ZBTB43: variants seen among roughly 807,000 people sequenced by gnomAD.
The protein encoded by ZBTB43 is zinc finger and BTB domain containing 43, also known as zinc finger and BTB domain-containing protein 43.
Under a neutral mutation model 31.1 loss-of-function variants are expected in ZBTB43, and 6 were observed. That is an observed-to-expected ratio of 0.19 (90% CI 0.11 to 0.38). The LOEUF (loss-of-function observed/expected upper bound fraction) is 0.38. Among genes scored for constraint, ZBTB43 ranks in the 10% least tolerant of loss-of-function variants. The pLI, the probability that ZBTB43 is intolerant of heterozygous loss-of-function variation, is 1.00. For synonymous variants in ZBTB43, 212 were observed against 221.7 expected (o/e 0.96, Z 0.39); for missense variants, 379 against 602.1 (o/e 0.63, Z 3.88).
At chr9:126,828,707 G>A (rs1196722166) in intron 2 of ZBTB43, among the ~76,000 whole-genome samples, 1 of 147,938 alleles carries the variant, frequency 6.8e-6, no homozygotes, top group Non-Finnish European at 1.5e-5. Context: ...TCCTATATCT[G>A]ACACAAACCC....
chr9:126,809,495 C>T (rs1467861681), intron 2 of ZBTB43, among the ~76,000 whole-genome samples: 1 of 152,224 alleles, frequency 6.6e-6, no homozygotes, highest in African/African-American at 2.4e-5. Context: ...CTCTGAAGGA[C>T]TTCACAATAA....
intron 2 of ZBTB43, among the ~76,000 whole-genome samples, chr9:126,811,956 CA>C (rs1371974339): frequency 6.6e-6 from 1 of 152,090 alleles, no homozygotes; most frequent in Non-Finnish European, 1.5e-5. Flanking sequence ...TTTACAGAGA[CA>C]TAATTCATAA....
chr9:126,815,015 T>A (rs942556753), intron 2 of ZBTB43, among the ~76,000 whole-genome samples: 15 of 151,768 alleles, frequency 9.9e-5, no homozygotes, highest in African/African-American at 3.6e-4. Flanking sequence ...CTCCACTGAT[T>A]TTAAGTGATT....
intron 2 of ZBTB43, among the ~76,000 whole-genome samples, chr9:126,819,874 G>T (rs2032473139): frequency 6.6e-6 from 1 of 152,212 alleles, no homozygotes; most frequent in Non-Finnish European, 1.5e-5. Context: ...TGATAAGAAA[G>T]TGGCAGCCTT....
chr9:126,810,167 T>C (rs530980176), intron 2 of ZBTB43, among the ~76,000 whole-genome samples: 1 of 151,442 alleles, frequency 6.6e-6, no homozygotes, highest in South Asian at 2.1e-4. Context: ...AAGGTTTTTG[T>C]TTGTTTGTTC....
chr9:126,807,631 T>G (rs1035052082), intron 1 of ZBTB43, among the ~76,000 whole-genome samples: 1 of 152,042 alleles, frequency 6.6e-6, no homozygotes, highest in Non-Finnish European at 1.5e-5. Context: ...CTTGTTTTTG[T>G]TTTTGTTTTG....
intron 2 of ZBTB43, among the ~76,000 whole-genome samples, chr9:126,812,149 A>G (rs912886311): frequency 1.3e-5 from 2 of 152,154 alleles, no homozygotes; most frequent in Admixed American, 6.5e-5. Flanking sequence ...GACATTTCAT[A>G]TAAGTGGAGT....
At chr9:126,811,674 G>A (rs908626276) in intron 2 of ZBTB43, among the ~76,000 whole-genome samples, 7 of 152,064 alleles carry the variant, frequency 4.6e-5, no homozygotes, top group African/African-American at 1.4e-4. Flanking sequence ...CGCCCAGGCT[G>A]GAGTGCAGTG....
intron 2 of ZBTB43, among the ~76,000 whole-genome samples, chr9:126,822,782 C>G (rs2032544536): frequency 6.6e-6 from 1 of 152,078 alleles, no homozygotes; most frequent in Non-Finnish European, 1.5e-5. Context: ...AGCCACCCTA[C>G]CGTTCAGCAG....
chr9:126,831,958 CA>C (rs34040959), intron 2 of ZBTB43: 18,292 of 111,676 alleles, frequency 0.16, 3,138 homozygotes, highest in African/African-American at 0.42. Context: ...AACTCTATCT[CA>C]AAAAAAAAAA....
Position 126,833,226 on chromosome 9 carries a change from T to A in ZBTB43, c.717T>A (p.Ala239=), listed in dbSNP as rs1167664379. The A allele has an allele frequency of 6.2e-7, 1 of 1,613,564 alleles. No homozygotes were observed. The part of the protein sequence containing the change: ...RPMYSKPSIM[A]HKRWIHVKPE... Reference sequence around the variant, plus strand: ...TGTACAGCAAGCCCAGCATCATGGCTCACAAACGCTGGATCCACGTGAAGC... The same window carrying A: ...TGTACAGCAAGCCCAGCATCATGGCACACAAACGCTGGATCCACGTGAAGC... The change falls in exon 3 of 3, where the codon GCT becomes GCA. Residue 239 remains alanine (A), a synonymous_variant. Transcript: ENST00000373464. The surrounding 1 kb of genome is among the most constrained non-coding windows in gnomAD (Gnocchi z 7.9).
intron 2 of ZBTB43, among the ~76,000 whole-genome samples, chr9:126,830,443 G>A (rs1469229679): frequency 2.0e-5 from 3 of 152,132 alleles, no homozygotes; most frequent in South Asian, 2.1e-4. Flanking sequence ...TCAGGAATTC[G>A]AGACCAGCCT....
intron 2 of ZBTB43, among the ~76,000 whole-genome samples, chr9:126,822,850 G>C (rs2119143719): frequency 6.6e-6 from 1 of 152,292 alleles, no homozygotes; most frequent in South Asian, 2.1e-4. Context: ...TACCAGCAAA[G>C]GGATTACAAC....
intron 2 of ZBTB43, among the ~76,000 whole-genome samples, chr9:126,809,852 T>G (rs899667676): frequency 6.6e-6 from 1 of 152,188 alleles, no homozygotes; most frequent in Admixed American, 6.5e-5. Flanking sequence ...CTTTTTTTTT[T>G]TGAGACAGAG....
chr9:126,818,059 T>G (rs76042937), intron 2 of ZBTB43, among the ~76,000 whole-genome samples: 2,122 of 152,022 alleles, frequency 0.014, 53 homozygotes, highest in African/African-American at 0.049. Flanking sequence ...AACAACATGG[T>G]ATTCTATTTA....
chr9:126,816,845 C>T (rs1238415045), intron 2 of ZBTB43, among the ~76,000 whole-genome samples: 2 of 152,166 alleles, frequency 1.3e-5, no homozygotes, highest in African/African-American at 4.8e-5. Context: ...ATGCCTTTAC[C>T]TCCTTCCTGG....
chr9:126,819,995 A>G (rs7869048), intron 2 of ZBTB43, among the ~76,000 whole-genome samples: 22 of 152,348 alleles, frequency 1.4e-4, no homozygotes, highest in African/African-American at 4.8e-4. Context: ...TTCTCTGAAC[A>G]CTGTGAGAGA....
At chr9:126,808,743 A>C (rs1381405598) in intron 1 of ZBTB43, 50 bp from the exon 2 acceptor site, 1 of 152,188 alleles carries the variant, frequency 6.6e-6, no homozygotes, top group Non-Finnish European at 1.5e-5. Context: ...TAGCAAATAC[A>C]CGTGTACATA....
chr9:126,824,302 G>A (rs545602211), intron 2 of ZBTB43, among the ~76,000 whole-genome samples: 2 of 152,336 alleles, frequency 1.3e-5, no homozygotes, highest in South Asian at 2.1e-4. Flanking sequence ...TGGGATTATA[G>A]GCATGAGCCA....
Sources: gnomAD v4.1 joint callset for allele counts (sites outside exome capture counted in the v4.1 genomes callset) on GRCh38, gnomAD v4.1.1 for gene constraint, Gnocchi (gnomAD v3.1) non-coding constraint, MANE v1.5 for transcripts, NCBI Gene and HGNC (gene_info 2026-07-23, HGNC 2026-07-21) for gene names.